The following RAPGEF1 variants were observed in gnomAD, a reference collection of about 807,000 sequenced individuals.
RAPGEF1 encodes the protein CRK SH3-binding GNRP.
RAPGEF1 carries 33 observed loss-of-function variants against 143.3 expected under a neutral mutation model. The observed-to-expected ratio is 0.23, with a 90% CI of 0.17 to 0.31. The LOEUF is 0.31. Among genes scored for constraint, RAPGEF1 ranks in the 10% least tolerant of loss-of-function variants. The pLI is 1.00. For missense variants in RAPGEF1, 1,199 were observed against 1,645.4 expected (o/e 0.73, Z 4.69); for synonymous variants, 629 against 676.5 (o/e 0.93, Z 1.09).
rs1955135003 is a variant in RAPGEF1, at chr9:131,595,661, T to TAGCA, written c.2689+633_2689+636dup. ...CTGTGGCCATGCCCCATCAGGTCACTAGCACCTCCTTTCCAGAGCATGACT... is the reference window on the plus strand; with the variant it reads ...CTGTGGCCATGCCCCATCAGGTCACTAGCAAGCACCTCCTTTCCAGAGCATGACT... On this transcript the variant is annotated intron_variant, in intron 17 of 26. Coordinates refer to ENST00000683357, the MANE Select transcript of RAPGEF1 (RefSeq NM_001377935.1). Among the ~76,000 whole-genome samples the TAGCA allele has an allele frequency of 2.7e-5, 4 of 148,698 alleles. No homozygotes were observed. The Admixed American group carries it at 2.7e-4, about 10-fold the overall frequency.
chr9:131,658,228 C>A (rs1973052306), intron 1 of RAPGEF1, among the ~76,000 whole-genome samples: 1 of 152,330 alleles, frequency 6.6e-6, no homozygotes, highest in Non-Finnish European at 1.5e-5. Flanking sequence ...TGCCACTTTA[C>A]AGTCCCACTA....
intron 20 of RAPGEF1, 52 bp from the exon 21 acceptor site, chr9:131,588,078 G>C (rs1953490069): frequency 6.7e-7 from 1 of 1,491,220 alleles, no homozygotes; most frequent in Admixed American, 1.8e-5. Context: ...GGCCGGTGGG[G>C]AGGGCTGAGC....
At chr9:131,711,766 T>G (rs1443273664) in intron 1 of RAPGEF1, among the ~76,000 whole-genome samples, 2 of 152,184 alleles carry the variant, frequency 1.3e-5, no homozygotes, top group African/African-American at 4.8e-5. Context: ...TTTACAGAGT[T>G]GGATGGTACA....
At chr9:131,710,941 C>T (rs543334379) in intron 1 of RAPGEF1, among the ~76,000 whole-genome samples, 2 of 152,272 alleles carry the variant, frequency 1.3e-5, no homozygotes, top group Admixed American at 6.5e-5. Flanking sequence ...GTTAACTGGG[C>T]ATAATTCCAG....
chr9:131,663,048 C>T (rs955485292), intron 1 of RAPGEF1, among the ~76,000 whole-genome samples: 4 of 152,200 alleles, frequency 2.6e-5, no homozygotes, highest in Admixed American at 2.0e-4. Flanking sequence ...TCCACATACC[C>T]GTCACCTAGA....
At chr9:131,656,241 A>G (rs1283192862) in intron 1 of RAPGEF1, among the ~76,000 whole-genome samples, 1 of 152,158 alleles carries the variant, frequency 6.6e-6, no homozygotes, top group Non-Finnish European at 1.5e-5. Context: ...GAGACCTTAT[A>G]AATGCCCACT....
intron 1 of RAPGEF1, among the ~76,000 whole-genome samples, chr9:131,692,978 T>C (rs1007996038): frequency 7.9e-5 from 12 of 152,224 alleles, no homozygotes; most frequent in Admixed American, 6.5e-4. Context: ...TCAGTTGGTT[T>C]GGTTCATGGG....
At chr9:131,643,859 T>C (rs1347269222) in intron 3 of RAPGEF1, among the ~76,000 whole-genome samples, 1 of 152,188 alleles carries the variant, frequency 6.6e-6, no homozygotes, top group Non-Finnish European at 1.5e-5. Flanking sequence ...TCTGAAAGAC[T>C]GTGTAAGACT....
intron 10 of RAPGEF1, among the ~76,000 whole-genome samples, chr9:131,622,949 G>A (rs1476543618): frequency 6.6e-6 from 1 of 152,054 alleles, no homozygotes; most frequent in Non-Finnish European, 1.5e-5. Context: ...TGTATTTTTA[G>A]TAGAGATGGG....
chr9:131,722,072 C>T (rs1010988504), intron 1 of RAPGEF1, among the ~76,000 whole-genome samples: 7 of 152,112 alleles, frequency 4.6e-5, no homozygotes, highest in Non-Finnish European at 7.4e-5. Context: ...AAATCGATAA[C>T]GCCTTACATG....
chr9:131,682,399 T>C (rs565010348), intron 1 of RAPGEF1, among the ~76,000 whole-genome samples: 1 of 152,304 alleles, frequency 6.6e-6, no homozygotes, highest in East Asian at 1.9e-4. Context: ...GTACAATGTC[T>C]GTCAGTAGAT....
Position 131,604,653 on chromosome 9 carries a change from A to T in RAPGEF1, c.2319+278T>A, listed in dbSNP as rs893451171. ...TAAGTTCCTCTCTAAATGGCCACTA[A>T]TCCATTTGTGGAAAATCAGATTCCT... On this transcript the variant is annotated intron_variant, in intron 13 of 26. Transcript: ENST00000683357. 3.3e-5 allele frequency among the ~76,000 whole-genome samples: 5 copies of T among 152,186 alleles called. No homozygotes were observed. In the East Asian group the frequency reaches 7.7e-4, roughly 23 times the overall value.
intron 1 of RAPGEF1, among the ~76,000 whole-genome samples, chr9:131,666,951 A>G (rs996464696): frequency 2.0e-5 from 3 of 152,076 alleles, no homozygotes; most frequent in Non-Finnish European, 1.5e-5. Flanking sequence ...TTCAGGGTGG[A>G]GTGCTGAGGT....
chr9:131,640,041 G>A (rs1588677813), intron 4 of RAPGEF1, among the ~76,000 whole-genome samples: 1 of 152,190 alleles, frequency 6.6e-6, no homozygotes, highest in Non-Finnish European at 1.5e-5. Context: ...ATTCCTAAAG[G>A]AGCCCTGAGA....
chr9:131,639,352 C>A (rs1042583267), intron 4 of RAPGEF1, among the ~76,000 whole-genome samples: 1 of 151,984 alleles, frequency 6.6e-6, no homozygotes, highest in African/African-American at 2.4e-5. Flanking sequence ...CAGGAGCGCA[C>A]GAATGAAGAC....
intron 1 of RAPGEF1, among the ~76,000 whole-genome samples, chr9:131,723,349 T>C (rs1564204155): frequency 1.3e-5 from 2 of 152,158 alleles, no homozygotes; most frequent in Non-Finnish European, 1.5e-5. Flanking sequence ...TCAGTGGTAA[T>C]AAGTAACATT....
At chr9:131,698,974 A>C (rs1242905881) in intron 1 of RAPGEF1, among the ~76,000 whole-genome samples, 1 of 152,214 alleles carries the variant, frequency 6.6e-6, no homozygotes, top group Non-Finnish European at 1.5e-5. Flanking sequence ...ACCACAGCTG[A>C]TAATCAGGAC....
chr9:131,739,739 C>T (rs1230763527), intron 1 of RAPGEF1, 31 bp downstream of exon 1: 20 of 1,110,724 alleles, frequency 1.8e-5, no homozygotes, highest in Middle Eastern at 4.0e-4. Flanking sequence ...CGGGCCCGGC[C>T]GGAGGGAGCC....
At chr9:131,728,583 C>T (rs560058141) in intron 1 of RAPGEF1, among the ~76,000 whole-genome samples, 37 of 152,302 alleles carry the variant, frequency 2.4e-4, no homozygotes, top group African/African-American at 6.5e-4. Flanking sequence ...ACTCTTCCTA[C>T]GAGTGATCAC....
Sources: allele counts gnomAD v4.1 joint callset (sites outside exome capture counted in the v4.1 genomes callset), GRCh38; gene constraint gnomAD v4.1.1; transcripts MANE v1.5; gene names NCBI Gene and HGNC (gene_info 2026-07-23, HGNC 2026-07-21).